LMO1: variants seen among roughly 807,000 people sequenced by gnomAD.
The protein encoded by LMO1 is rhombotin-1.
LMO1 carries 10 observed loss-of-function variants against 18.0 expected under a neutral mutation model. The ratio of observed to expected loss-of-function variants is 0.55; its 90% confidence interval spans 0.34 to 0.94. The LOEUF (loss-of-function observed/expected upper bound fraction) is 0.94, where lower values mean the gene tolerates loss of function less well. LMO1 is among the 40% of genes least tolerant of loss of function. The pLI, the probability that LMO1 is intolerant of heterozygous loss-of-function variation, is 0.02. For missense variants in LMO1, 183 were observed against 205.7 expected, an observed-to-expected ratio of 0.89 and a Z score of 0.68; for synonymous variants, 77 against 77.9, an observed-to-expected ratio of 0.99 and a Z score of 0.06.
At chr11:8,230,828 T>A (rs1211012452) in intron 1 of LMO1, among the ~76,000 whole-genome samples, 1 of 152,188 alleles carries the variant, frequency 6.6e-6, no homozygotes. Context: ...TGCGGTCTCA[T>A]CCGGAGTAAG....
intron 1 of LMO1, among the ~76,000 whole-genome samples, chr11:8,232,257 T>C (rs186048799): frequency 8.6e-4 from 131 of 152,216 alleles, no homozygotes; most frequent in African/African-American, 2.9e-3. Flanking sequence ...TAAAGGTTAA[T>C]TGGTCTGAGA....
rs113433253 is a variant in LMO1 at position 8,231,170 on chromosome 11, G to A, written c.26-666C>T. ...GTCACACCTCACCTGCCCTGGCCTGGGGGAGGGCAGGCTCTGAGCCTCTGG... is the reference window on the plus strand; with the variant it reads ...GTCACACCTCACCTGCCCTGGCCTGAGGGAGGGCAGGCTCTGAGCCTCTGG... On this transcript the variant is annotated intron_variant, in intron 1 of 3. Transcript: ENST00000335790. Among the ~76,000 whole-genome samples, 1,077 of 152,300 alleles carry A rather than the reference G, an allele frequency of 7.1e-3. 7 individuals are homozygous for A. Among genetic ancestry groups the A allele is most frequent in the African/African-American group, 0.023 (952 of 41,556 alleles).
intron 1 of LMO1, among the ~76,000 whole-genome samples, chr11:8,261,815 G>A (rs7935999): frequency 0.022 from 3,386 of 152,138 alleles, 111 homozygotes; most frequent in African/African-American, 0.073. Context: ...GAAGTTCTCC[G>A]ATGGCCTACA....
intron 1 of LMO1, among the ~76,000 whole-genome samples, chr11:8,246,470 T>C (rs1441658033): frequency 1.3e-5 from 2 of 152,178 alleles, no homozygotes; most frequent in Non-Finnish European, 2.9e-5. Context: ...TCCATTTATA[T>C]GAAATGTCCA....
upstream of LMO1, chr11:8,263,960 C>T: frequency 5.0e-6 from 4 of 797,266 alleles, no homozygotes; most frequent in Non-Finnish European, 6.2e-6. Flanking sequence ...AGTGGAGACG[C>T]ACGGCTGTCC....
chr11:8,224,494 A>C lies in LMO1; in HGVS notation c.*122T>G. ...GCCATCCCTCCCATCGAGGACGGAGAAGTTCTAATGTGGCAGGAGAGCGGC... is the reference window on the plus strand; with the variant it reads ...GCCATCCCTCCCATCGAGGACGGAGCAGTTCTAATGTGGCAGGAGAGCGGC... On this transcript the variant is annotated 3_prime_UTR_variant, in exon 4 of 4. Transcript: ENST00000335790. 1.5e-6 allele frequency: 1 copy of C among 646,976 alleles called. No homozygotes were observed. Among genetic ancestry groups the C allele is most frequent in the Non-Finnish European group, 2.8e-6 (1 of 362,392 alleles). 40.1% of individuals were successfully genotyped at this position (646,976 alleles called of 1,614,324 possible). A position where few individuals can be genotyped will look rare whatever the true frequency, so the allele number is the denominator to read the frequency against.
chr11:8,227,236 T>C, intron 2 of LMO1, 136 bp from the exon 3 acceptor site: 2 of 1,408,968 alleles, frequency 1.4e-6, no homozygotes, highest in South Asian at 2.8e-5. Context: ...GGCAATAGGA[T>C]AAGAGCACTG....
At chr11:8,234,574 G>T (rs989798760) in intron 1 of LMO1, among the ~76,000 whole-genome samples, 1 of 152,070 alleles carries the variant, frequency 6.6e-6, no homozygotes, top group Admixed American at 6.5e-5. Context: ...CTCCTCCAAG[G>T]CCACTCTTCC....
At chr11:8,264,313 C>T (rs1225279659), upstream of LMO1, among the ~76,000 whole-genome samples, 1 of 152,124 alleles carries the variant, frequency 6.6e-6, no homozygotes, top group African/African-American at 2.4e-5. Flanking sequence ...GAGAGCTTAT[C>T]TCAACTTCTC....
intron 1 of LMO1, among the ~76,000 whole-genome samples, chr11:8,260,184 CT>C (rs1847162407): frequency 6.6e-6 from 1 of 152,198 alleles, no homozygotes; most frequent in South Asian, 2.1e-4. Flanking sequence ...TCAAAGGCCT[CT>C]TCTCGAACAG....
intron 1 of LMO1, among the ~76,000 whole-genome samples, chr11:8,249,289 G>A (rs957718334): frequency 3.3e-5 from 5 of 152,192 alleles, no homozygotes; most frequent in African/African-American, 1.2e-4. Context: ...ACAGGAGTGT[G>A]GGGCCGTCTG....
intron 1 of LMO1, among the ~76,000 whole-genome samples, chr11:8,236,577 G>T (rs1952764205): frequency 6.6e-6 from 1 of 151,980 alleles, no homozygotes; most frequent in Admixed American, 6.6e-5. Flanking sequence ...TGCTGAGGGG[G>T]GCTGAGACCC....
rs745575326 is a variant in LMO1 at position 8,230,337 on chromosome 11, G to A, written c.193C>T (p.Leu65Phe). 6.2e-7 allele frequency: 1 copy of A among 1,613,956 alleles called. No homozygotes were observed. Among genetic ancestry groups the A allele is most frequent in the South Asian group, 1.1e-5 (1 of 91,080 alleles). ...DCRLGEVGST[L>F]YTKANLILCR... Reference sequence around the variant, plus strand: ...AGGATGAGGTTGGCCTTGGTGTAGAGGGTGGAGCCCACCTCGCCCAGGCGG... The same window carrying A: ...AGGATGAGGTTGGCCTTGGTGTAGAAGGTGGAGCCCACCTCGCCCAGGCGG... The change falls in exon 2 of 4, where the codon CTC (leucine) becomes TTC (phenylalanine). Residue 65 changes from leucine (L) to phenylalanine (F), a missense_variant. Physicochemically the swap from Leu to Phe is conservative, Grantham distance 22. Transcript: ENST00000335790.
intron 1 of LMO1, among the ~76,000 whole-genome samples, chr11:8,231,745 C>T (rs1952666256): frequency 6.6e-6 from 1 of 152,122 alleles, no homozygotes; most frequent in African/African-American, 2.4e-5. Context: ...AGGACCCCTG[C>T]TCTCTCCAGG....
intron 1 of LMO1, among the ~76,000 whole-genome samples, chr11:8,263,018 G>A (rs952497102): frequency 4.6e-5 from 7 of 152,094 alleles, no homozygotes; most frequent in African/African-American, 1.7e-4. Flanking sequence ...CGCGGAGATC[G>A]CAAGGGAGCC....
At chr11:8,257,819 G>A (rs1405871157) in intron 1 of LMO1, among the ~76,000 whole-genome samples, 2 of 152,262 alleles carry the variant, frequency 1.3e-5, no homozygotes, top group African/African-American at 4.8e-5. Context: ...AACTGGCAGA[G>A]TGAGGGTGCA....
chr11:8,229,789 T>C (rs1038978762), intron 2 of LMO1, among the ~76,000 whole-genome samples: 3 of 152,190 alleles, frequency 2.0e-5, no homozygotes, highest in Non-Finnish European at 4.4e-5. Flanking sequence ...TCCTAGGATA[T>C]GGCTGCCTGC....
At chr11:8,241,735 CTTCT>C (rs1315700215) in intron 1 of LMO1, among the ~76,000 whole-genome samples, 3 of 151,384 alleles carry the variant, frequency 2.0e-5, no homozygotes, top group Non-Finnish European at 4.4e-5. Flanking sequence ...CAGTAATTTC[CTTCT>C]GAGTTTTTCA....
intron 1 of LMO1, among the ~76,000 whole-genome samples, chr11:8,248,135 A>G (rs1227749159): frequency 6.6e-6 from 1 of 152,240 alleles, no homozygotes; most frequent in Non-Finnish European, 1.5e-5. Context: ...TCAGAGGACC[A>G]CAGTCCATGC....
Sources: gnomAD v4.1 joint callset for allele counts (sites outside exome capture counted in the v4.1 genomes callset) on GRCh38, gnomAD v4.1.1 for gene constraint, MANE v1.5 for transcripts, NCBI Gene and HGNC (gene_info 2026-07-23, HGNC 2026-07-21) for gene names.